Variants in WNK1 observed in about 807,000 individuals in gnomAD.
WNK1 encodes the protein WNK lysine deficient protein kinase 1, also known as serine/threonine-protein kinase WNK1.
WNK1 carries 38 observed loss-of-function variants against 222.8 expected under a neutral mutation model. The ratio of observed to expected loss-of-function variants is 0.17; its 90% CI spans 0.13 to 0.22. WNK1 has a LOEUF of 0.22. Among genes scored for constraint, WNK1 ranks in the 10% least tolerant of loss-of-function variants. The pLI is 1.00. For missense variants in WNK1, 2,348 were observed against 2,918.4 expected, an observed-to-expected ratio of 0.80 and a Z score of 4.50; for synonymous variants, 1,090 against 1,092.9, an observed-to-expected ratio of 1.00 and a Z score of 0.05.
At chr12:879,340 G>A (rs1338153065) in intron 10 of WNK1, among the ~76,000 whole-genome samples, 1 of 151,396 alleles carries the variant, frequency 6.6e-6, no homozygotes, top group East Asian at 1.9e-4. Flanking sequence ...AAAAGGTGTA[G>A]AACAGTAATA....
intron 1 of WNK1, among the ~76,000 whole-genome samples, chr12:763,839 A>G (rs983718731): frequency 6.8e-6 from 1 of 147,618 alleles, no homozygotes; most frequent in African/African-American, 2.4e-5. Flanking sequence ...TGAAGCATGG[A>G]TAAGAGGTTA....
intron 1 of WNK1, among the ~76,000 whole-genome samples, chr12:767,088 T>A (rs1276552270): frequency 6.6e-6 from 1 of 151,900 alleles, no homozygotes; most frequent in African/African-American, 2.4e-5. Context: ...TAGATGTTCT[T>A]TAGATTAAAA....
At position 862,137 on chromosome 12, in the gene WNK1, T is replaced by G. The variant is rs756433100; in HGVS notation, c.2006T>G (p.Val669Gly). The change falls in exon 8 of 28, where the codon GTG becomes GGG. Residue 669 changes from valine (V) to glycine (G), a missense_variant. Around this residue, in one of 13 missense-constraint regions of WNK1, gnomAD observed 547 missense variants for 558.3 expected, o/e 0.98. Transcript: ENST00000315939. ...TCCTCTGTCTTCACAGAATCTCGAG[T>G]GAGCAGCCAACAGACAGTTTCATAT... ...QGSSVFTESR[V>G]SSQQTVSYGS... The G allele has an allele frequency of 5.0e-6, 8 of 1,613,916 alleles. No homozygotes were observed. The Admixed American group carries it at 5.0e-5, about 10-fold the overall frequency.
At chr12:886,196 C>A in intron 19 of WNK1, 112 bp downstream of exon 19, 1 of 978,200 alleles carries the variant, frequency 1.0e-6, no homozygotes, top group Non-Finnish European at 1.5e-6. Context: ...ATAAAGGTAC[C>A]TGGCTTATAG....
At chr12:908,375 C>A in intron 27 of WNK1, 100 bp from the exon 28 acceptor site, 2 of 1,256,662 alleles carry the variant, frequency 1.6e-6, no homozygotes, top group Non-Finnish European at 2.3e-6. Flanking sequence ...GAAGACTGTT[C>A]TGCTGTATCT....
At chr12:757,363 A>G (rs544250332) in intron 1 of WNK1, among the ~76,000 whole-genome samples, 24 of 60,164 alleles carry the variant, frequency 4.0e-4, no homozygotes, top group East Asian at 7.3e-4. Context: ...GTCTTGCTCT[A>G]TCTCCAGGCT....
intron 1 of WNK1, among the ~76,000 whole-genome samples, chr12:782,448 G>A (rs1001840308): frequency 6.6e-6 from 1 of 152,096 alleles, no homozygotes; most frequent in Non-Finnish European, 1.5e-5. Flanking sequence ...AATCTTAGAA[G>A]GCTTAGTTGA....
chr12:887,437 A>G (rs772556347), intron 20 of WNK1, 133 bp downstream of exon 20: 52 of 830,088 alleles, frequency 6.3e-5, no homozygotes, highest in Non-Finnish European at 9.8e-5. Flanking sequence ...TTAAAATGTT[A>G]TAACCAATGA....
chr12:802,994 G>A (rs1946030015), intron 1 of WNK1, among the ~76,000 whole-genome samples: 1 of 152,110 alleles, frequency 6.6e-6, no homozygotes, highest in African/African-American at 2.4e-5. Flanking sequence ...CAAAAAATAT[G>A]TGCATATTCT....
intron 4 of WNK1, among the ~76,000 whole-genome samples, chr12:847,909 T>C (rs1293003457): frequency 6.8e-6 from 1 of 146,360 alleles, no homozygotes; most frequent in African/African-American, 2.5e-5. Flanking sequence ...CAGGTTTAAG[T>C]GATAACTCCT....
At chr12:786,221 G>A (rs138451783) in intron 1 of WNK1, among the ~76,000 whole-genome samples, 23 of 152,192 alleles carry the variant, frequency 1.5e-4, no homozygotes, top group East Asian at 9.6e-4. Context: ...TTTGATAAAC[G>A]TGTCAGCCCT....
intron 1 of WNK1, among the ~76,000 whole-genome samples, chr12:757,532 A>G (rs1002099907): frequency 1.3e-5 from 2 of 152,052 alleles, no homozygotes; most frequent in African/African-American, 4.8e-5. Context: ...CCTAGGTAAT[A>G]TTTTGATACC....
chr12:896,383 A>G lies in WNK1; in HGVS notation c.5896A>G (p.Lys1966Glu). 6.2e-7 allele frequency: 1 copy of G among 1,614,206 alleles called. No individual in the cohort carries two copies. Among genetic ancestry groups the G allele is most frequent in the Non-Finnish European group, 8.5e-7 (1 of 1,180,034 alleles). The part of the protein sequence containing the change: ...GRFSVSKTED[K>E]ITDTKKEGPV... ...TTTCTCTGTATCAAAAACTGAGGAC[A>G]AGATCACTGACACAAAGAAAGAAGG... Residue 1966 changes from lysine to glutamate, a missense_variant, in exon 24 of 28, where the codon AAG (lysine) becomes GAG (glutamate). This residue lies in a region of WNK1 where 1,144 missense variants were observed against 1,273.6 expected (regional missense o/e 0.90). Transcript: ENST00000315939.
intron 5 of WNK1, 132 bp downstream of exon 5, chr12:857,381 T>TCAGGCA: frequency 1.1e-6 from 1 of 871,660 alleles, no homozygotes; most frequent in Non-Finnish European, 1.9e-6. Flanking sequence ...GTAACATTTT[T>TCAGGCA]AAAGGTAGGG....
intron 26 of WNK1, chr12:900,872 T>G: frequency 4.4e-6 from 3 of 681,506 alleles, no homozygotes; most frequent in South Asian, 3.3e-5. Flanking sequence ...TGAAATTACT[T>G]TTTTTCAAGG....
At chr12:805,490 C>G (rs1946295464) in intron 1 of WNK1, among the ~76,000 whole-genome samples, 1 of 152,122 alleles carries the variant, frequency 6.6e-6, no homozygotes. Flanking sequence ...ACAGCTATAA[C>G]AGCAAAACCA....
Position 827,493 on chromosome 12 carries a change from T to C in WNK1, c.1153+231T>C, listed in dbSNP as rs933713950. On this transcript the variant is annotated intron_variant, in intron 3 of 27. Transcript: ENST00000315939. The surrounding 1 kb of genome is among the most constrained non-coding windows in gnomAD (Gnocchi z 4.6). The stretch of plus-strand genomic sequence containing the variant: ...GTTACAAGAAATAAAGTGAACTTTG[T>C]TGATAAAACCTAATGTAATAGCCTT... 4 of 581,296 alleles carry C rather than the reference T, an allele frequency of 6.9e-6. No homozygotes were observed. The highest frequency in any genetic ancestry group is 5.6e-5 in the African/African-American group (3 of 53,140). 36.0% of individuals were successfully genotyped at this position (581,296 alleles called of 1,614,324 possible).
chr12:818,761 A>G (rs564708435), intron 2 of WNK1, among the ~76,000 whole-genome samples: 1 of 152,276 alleles, frequency 6.6e-6, no homozygotes, highest in Admixed American at 6.5e-5. Context: ...TTCACTTAGC[A>G]TGGTGTTTTC....
At position 904,359 on chromosome 12, in the gene WNK1, C is replaced by T. The variant is rs1340128970; in HGVS notation, c.6644-3488C>T. 5.9e-6 allele frequency: 6 copies of T among 1,021,808 alleles called. No homozygotes were observed. In the South Asian group the frequency reaches 6.6e-5, roughly 11 times the overall value. 63.3% of individuals were successfully genotyped at this position (1,021,808 alleles called of 1,614,324 possible). On this transcript the variant is annotated intron_variant, in intron 26 of 27. Transcript: ENST00000315939. ...CTATCTGTCTCACCTCCTGCTTTCT[C>T]TTGCTGGGCGTTTGTGTGCTGTTTG...
Sources: allele counts gnomAD v4.1 joint callset (sites outside exome capture counted in the v4.1 genomes callset), GRCh38; gene constraint gnomAD v4.1.1; regional missense constraint gnomAD v4.1.1; non-coding constraint Gnocchi (gnomAD v3.1); transcripts MANE v1.5; gene names NCBI Gene and HGNC (gene_info 2026-07-23, HGNC 2026-07-21).